The following CFAP54 variants were observed in gnomAD, a reference collection of about 807,000 sequenced individuals.
The protein encoded by CFAP54 is cilia- and flagella-associated protein 54.
A neutral mutation model predicts 370.4 loss-of-function variants in CFAP54; 290 were observed. The ratio of observed to expected loss-of-function variants is 0.78; its 90% CI spans 0.71 to 0.86. CFAP54 has a LOEUF of 0.86. Ranked by LOEUF, CFAP54 falls within the 40% of genes least tolerant of loss-of-function variation. CFAP54 has a pLI of 0.00. For synonymous variants in CFAP54, 1,206 were observed against 1,236.5 expected, an observed-to-expected ratio of 0.98 and a Z score of 0.52; for missense variants, 3,399 against 3,528.7, an observed-to-expected ratio of 0.96 and a Z score of 0.93.
intron 55 of CFAP54, among the ~76,000 whole-genome samples, chr12:96,752,817 T>C (rs1339562429): frequency 3.3e-5 from 5 of 152,204 alleles, no homozygotes; most frequent in Non-Finnish European, 1.5e-5. Flanking sequence ...TAAGAGATAG[T>C]GCAATGTTGT....
intron 25 of CFAP54, among the ~76,000 whole-genome samples, chr12:96,596,341 A>G (rs1033308395): frequency 4.6e-5 from 7 of 152,140 alleles, no homozygotes; most frequent in African/African-American, 1.7e-4. Flanking sequence ...GTCTTAGGAA[A>G]GAAGTCTCTA....
chr12:96,561,773 CT>C (rs376442763), intron 17 of CFAP54, among the ~76,000 whole-genome samples: 60 of 94,854 alleles, frequency 6.3e-4, no homozygotes, highest in Non-Finnish European at 5.7e-4. Context: ...ATCACAAGTT[CT>C]TTTTTTTTTT....
intron 55 of CFAP54, among the ~76,000 whole-genome samples, chr12:96,750,235 A>C (rs1182749951): frequency 1.3e-5 from 2 of 152,142 alleles, no homozygotes; most frequent in Admixed American, 6.6e-5. Flanking sequence ...AAGATCCTGT[A>C]CCAGCTCTGT....
intron 67 of CFAP54, among the ~76,000 whole-genome samples, 171 bp from the exon 68 acceptor site, chr12:96,874,947 G>C (rs2075853538): frequency 6.6e-6 from 1 of 152,016 alleles, no homozygotes; most frequent in Admixed American, 6.5e-5. Flanking sequence ...GTTTTGGTTT[G>C]ATGATGTGGC....
At chr12:96,560,235 A>G (rs551233382) in intron 17 of CFAP54, among the ~76,000 whole-genome samples, 2 of 152,078 alleles carry the variant, frequency 1.3e-5, no homozygotes, top group Non-Finnish European at 2.9e-5. Context: ...CTATCTAACA[A>G]TATGTTTGTA....
chr12:96,864,782 G>T (rs1046392742), intron 67 of CFAP54, among the ~76,000 whole-genome samples: 1 of 152,054 alleles, frequency 6.6e-6, no homozygotes, highest in African/African-American at 2.4e-5. Context: ...CAAGAGTGTC[G>T]TAAGTGTGTG....
chr12:96,635,244 A>C (rs1469732564), intron 32 of CFAP54, among the ~76,000 whole-genome samples: 1 of 152,180 alleles, frequency 6.6e-6, no homozygotes, highest in Non-Finnish European at 1.5e-5. Flanking sequence ...TTTGGGATGA[A>C]GCCCTTTATC....
intron 48 of CFAP54, among the ~76,000 whole-genome samples, chr12:96,715,295 G>A (rs556631463): frequency 3.4e-4 from 52 of 152,140 alleles, no homozygotes; most frequent in African/African-American, 1.3e-3. Flanking sequence ...TTTTTTCCCA[G>A]CCACATTAAA....
intron 66 of CFAP54, among the ~76,000 whole-genome samples, chr12:96,843,165 G>A (rs1959241806): frequency 6.6e-6 from 1 of 152,178 alleles, no homozygotes; most frequent in African/African-American, 2.4e-5. Context: ...TCTTTATAAA[G>A]CCTTTGTTCT....
intron 39 of CFAP54, among the ~76,000 whole-genome samples, chr12:96,671,671 C>T (rs1957147901): frequency 6.6e-6 from 1 of 152,160 alleles, no homozygotes; most frequent in Non-Finnish European, 1.5e-5. Flanking sequence ...CCTGTAATCC[C>T]AGCACTTTGG....
In CFAP54 at chr12:96,519,023, A is replaced by G; in HGVS notation, c.894A>G (p.Thr298=). The G allele has an allele frequency of 1.3e-6, 2 of 1,535,702 alleles. No homozygotes were observed. The highest frequency in any genetic ancestry group is 1.7e-6 in the Non-Finnish European group (2 of 1,146,808). ...TGACATGGCGCGCTACTCTCTACAC[A>G]GCTGTTTGCCAGTGCTGCTATGACT... is the stretch of plus-strand genomic sequence containing the variant. ...RYLTWRATLY[T]AVCQCCYDCH... Residue 298 remains threonine (T), a synonymous_variant, in exon 6 of 68, where the codon ACA becomes ACG. Transcript: ENST00000524981.
intron 30 of CFAP54, among the ~76,000 whole-genome samples, chr12:96,627,602 TAAA>T (rs1392952330): frequency 6.6e-6 from 1 of 152,186 alleles, no homozygotes; most frequent in Non-Finnish European, 1.5e-5. Flanking sequence ...AGCATTCCCT[TAAA>T]AACATATAGA....
At chr12:96,823,907 G>A (rs1249734449) in intron 65 of CFAP54, among the ~76,000 whole-genome samples, 7 of 152,132 alleles carry the variant, frequency 4.6e-5, no homozygotes, top group Admixed American at 2.6e-4. Flanking sequence ...AAGGAGAGAC[G>A]AGGGAAGCAA....
chr12:96,786,473 G>T (rs150939221), intron 61 of CFAP54, among the ~76,000 whole-genome samples: 1 of 152,090 alleles, frequency 6.6e-6, no homozygotes, highest in Non-Finnish European at 1.5e-5. Context: ...AAGCCACCGC[G>T]CCTGGCCTGA....
At chr12:96,718,969 C>A (rs1203975386) in intron 49 of CFAP54, among the ~76,000 whole-genome samples, 1 of 151,594 alleles carries the variant, frequency 6.6e-6, no homozygotes, top group Non-Finnish European at 1.5e-5. Context: ...ACCCAGGAGG[C>A]AGAGGTTGCA....
intron 36 of CFAP54, among the ~76,000 whole-genome samples, chr12:96,655,355 A>T (rs1956910186): frequency 6.6e-6 from 1 of 151,976 alleles, no homozygotes; most frequent in African/African-American, 2.4e-5. Context: ...TGTGAACTAT[A>T]TTTGAGGATG....
chr12:96,629,468 A>T (rs1592893987), intron 30 of CFAP54, among the ~76,000 whole-genome samples: 1 of 136,000 alleles, frequency 7.4e-6, no homozygotes, highest in Admixed American at 7.4e-5. Context: ...ACCACGCCCA[A>T]CTAATTTTTT....
At chr12:96,811,378 G>A (rs922037958) in intron 63 of CFAP54, among the ~76,000 whole-genome samples, 4 of 152,160 alleles carry the variant, frequency 2.6e-5, no homozygotes, top group Non-Finnish European at 5.9e-5. Context: ...CCACTTATGG[G>A]AACGGTACAC....
chr12:96,856,462 A>T (rs536336662), intron 66 of CFAP54, among the ~76,000 whole-genome samples: 1 of 152,184 alleles, frequency 6.6e-6, no homozygotes, highest in Admixed American at 6.6e-5. Context: ...TTTGCCAGAT[A>T]CCCTTAATTA....
Sources: allele counts gnomAD v4.1 joint callset (sites outside exome capture counted in the v4.1 genomes callset), GRCh38; gene constraint gnomAD v4.1.1; transcripts MANE v1.5; gene names NCBI Gene and HGNC (gene_info 2026-07-23, HGNC 2026-07-21).